The following PUDP variants were observed in gnomAD, a reference collection of about 807,000 sequenced individuals.
PUDP encodes the protein pseudouridine-5'-phosphatase.
In PUDP, 8 loss-of-function variants were observed where a neutral mutation model predicts 9.4. The ratio of observed to expected loss-of-function variants is 0.85; its 90% CI spans 0.50 to 1.53. PUDP has a LOEUF of 1.53. Ranked by LOEUF, PUDP falls within the 40% of genes most tolerant of loss-of-function variation. PUDP has a pLI of 0.00. For synonymous variants in PUDP, 99 were observed against 80.7 expected (o/e 1.23, Z -1.22); for missense variants, 188 against 189.7 (o/e 0.99, Z 0.05).
intron 1 of PUDP, among the ~76,000 whole-genome samples, chrX:7,022,580 C>T (rs1213451064): frequency 2.7e-5 from 3 of 111,438 alleles, no homozygotes; most frequent in Non-Finnish European, 5.7e-5. Flanking sequence ...GGAGCACATG[C>T]GTATGATTCT....
At chrX:6,751,136 C>T (rs752707105) in intron 3 of PUDP, among the ~76,000 whole-genome samples, 45 of 98,923 alleles carry the variant, frequency 4.5e-4, no homozygotes, top group Non-Finnish European at 7.4e-4. Flanking sequence ...AGTGAGAATC[C>T]GTCTAAAAAA....
chrX:7,029,826 C>T (rs968920865), intron 1 of PUDP, among the ~76,000 whole-genome samples: 10 of 111,806 alleles, frequency 8.9e-5, no homozygotes, highest in African/African-American at 3.3e-4. Flanking sequence ...AGATTGGGAG[C>T]AGGCTCCTAA....
At chrX:6,729,060 G>C (rs1156517668) in intron 3 of PUDP, among the ~76,000 whole-genome samples, 1 of 111,690 alleles carries the variant, frequency 9.0e-6, no homozygotes, top group Non-Finnish European at 1.9e-5. Flanking sequence ...GAGGCAAAGT[G>C]CCGTGTTCCT....
intron 3 of PUDP, among the ~76,000 whole-genome samples, chrX:6,800,877 C>G (rs1443303964): frequency 2.7e-5 from 3 of 111,800 alleles, no homozygotes; most frequent in African/African-American, 9.8e-5. Context: ...AGTCCACCAG[C>G]TGCATACAAA....
intron 3 of PUDP, among the ~76,000 whole-genome samples, chrX:6,727,094 A>G (rs1051240691): frequency 9.0e-6 from 1 of 111,722 alleles, no homozygotes; most frequent in African/African-American, 3.2e-5. Flanking sequence ...GGGAAAGAAG[A>G]AGAAATAATG....
At chrX:7,131,622 G>GC (rs1453863528) in intron 1 of PUDP, among the ~76,000 whole-genome samples, 5 of 109,036 alleles carry the variant, frequency 4.6e-5, no homozygotes, top group African/African-American at 1.3e-4. Context: ...GTTGTTTTAG[G>GC]CCCCCCAGTT....
chrX:6,718,318 A>G (rs1403277093), intron 1 of PUDP, among the ~76,000 whole-genome samples: 2 of 112,291 alleles, frequency 1.8e-5, no homozygotes, highest in Non-Finnish European at 3.7e-5. Context: ...CACTATTCAC[A>G]ATAGCAAAGA....
At chrX:6,755,790 G>A (rs953731023) in intron 3 of PUDP, among the ~76,000 whole-genome samples, 13 of 110,424 alleles carry the variant, frequency 1.2e-4, no homozygotes, top group Non-Finnish European at 2.1e-4. Flanking sequence ...AGTCATTTGT[G>A]CACCGAATAT....
chrX:6,706,183 A>G (rs1196824842), intron 2 of PUDP, among the ~76,000 whole-genome samples: 1 of 112,534 alleles, frequency 8.9e-6, no homozygotes, highest in African/African-American at 3.2e-5. Flanking sequence ...GGAAGTGGGA[A>G]AGGAGTGATG....
chrX:6,984,476 CA>C (rs1158916159), intron 1 of PUDP, among the ~76,000 whole-genome samples: 2 of 111,314 alleles, frequency 1.8e-5, no homozygotes, highest in Non-Finnish European at 3.8e-5. Context: ...AAGTGCTATA[CA>C]AAAAAATTAA....
At chrX:6,897,687 AGT>A (rs1927612495) in intron 3 of PUDP, among the ~76,000 whole-genome samples, 1 of 111,542 alleles carries the variant, frequency 9.0e-6, no homozygotes, top group Non-Finnish European at 1.9e-5. Context: ...GGAGGCTGGA[AGT>A]CCAAGATCAA....
At chrX:6,910,591 G>A (rs887547059) in intron 3 of PUDP, among the ~76,000 whole-genome samples, 2 of 112,107 alleles carry the variant, frequency 1.8e-5, no homozygotes, top group Admixed American at 1.9e-4. Context: ...CTGGAATAGA[G>A]ATGAACAGTA....
intron 3 of PUDP, among the ~76,000 whole-genome samples, chrX:6,905,349 C>T (rs1221586496): frequency 1.8e-5 from 2 of 111,205 alleles, no homozygotes; most frequent in African/African-American, 6.5e-5. Flanking sequence ...AGGAAGATGA[C>T]GAAGATTATA....
At chrX:6,751,037 G>T (rs1227504591) in intron 3 of PUDP, among the ~76,000 whole-genome samples, 1 of 110,497 alleles carries the variant, frequency 9.1e-6, no homozygotes, top group Non-Finnish European at 1.9e-5. Context: ...AGCTACTCGG[G>T]AGGCTGAGGC....
At chrX:7,067,490 G>C (rs1930598676) in intron 3 of PUDP, among the ~76,000 whole-genome samples, 1 of 111,886 alleles carries the variant, frequency 8.9e-6, no homozygotes, top group Admixed American at 9.5e-5. Flanking sequence ...CAAGAAGCCA[G>C]AACACTTACT....
chrX:6,824,229 A>G (rs1926391044), intron 3 of PUDP, among the ~76,000 whole-genome samples: 1 of 111,370 alleles, frequency 9.0e-6, no homozygotes, highest in Admixed American at 9.5e-5. Context: ...CTTTTGCTCG[A>G]CACTTCTCCT....
chrX:6,724,295 C>T (rs1006062554), upstream of PUDP, among the ~76,000 whole-genome samples: 1 of 110,273 alleles, frequency 9.1e-6, no homozygotes, highest in African/African-American at 3.3e-5. Context: ...AAATTCAAAC[C>T]CTGAAAGGTC....
chrX:6,984,629 C>A (rs1397113010), intron 1 of PUDP, among the ~76,000 whole-genome samples: 9 of 111,466 alleles, frequency 8.1e-5, no homozygotes, highest in Non-Finnish European at 1.7e-4. Context: ...GAGCCAGCCA[C>A]CACCCTCCTG....
chrX:7,018,846 C>T (rs1268667830), intron 1 of PUDP, among the ~76,000 whole-genome samples: 1 of 111,535 alleles, frequency 9.0e-6, no homozygotes, highest in Non-Finnish European at 1.9e-5. Context: ...TGTTCCTAGC[C>T]TCTAGATGTT....
Sources: gnomAD v4.1 joint callset for allele counts (sites outside exome capture counted in the v4.1 genomes callset) on GRCh38, gnomAD v4.1.1 for gene constraint, MANE v1.5 for transcripts, NCBI Gene and HGNC (gene_info 2026-07-23, HGNC 2026-07-21) for gene names.